Variants in DMXL1 observed in about 807,000 individuals in gnomAD.
DMXL1 encodes Dmx like 1, also known as dmX-like protein 1.
In DMXL1, 99 loss-of-function variants were observed where a neutral mutation model predicts 319.2. The observed-to-expected ratio is 0.31, with a 90% confidence interval of 0.26 to 0.37. DMXL1 has a LOEUF of 0.37. Ranked by LOEUF, DMXL1 falls within the 10% of genes least tolerant of loss-of-function variation. DMXL1 has a pLI of 1.00. For synonymous variants in DMXL1, 1,385 were observed against 1,235.2 expected, an observed-to-expected ratio of 1.12 and a Z score of -2.54; for missense variants, 3,745 against 3,595.6, an observed-to-expected ratio of 1.04 and a Z score of -1.06.
chr5:119,207,835 C>T (rs992690933), intron 34 of DMXL1, among the ~76,000 whole-genome samples: 5 of 152,086 alleles, frequency 3.3e-5, no homozygotes, highest in African/African-American at 1.2e-4. Flanking sequence ...TCAACTACGA[C>T]TTTATGAGGT....
chr5:119,194,107 T>C, intron 30 of DMXL1, 137 bp downstream of exon 30: 2 of 569,232 alleles, frequency 3.5e-6, no homozygotes, highest in African/African-American at 3.9e-5. Context: ...TAGTTGAAAT[T>C]GTTAAATTCC....
intron 33 of DMXL1, among the ~76,000 whole-genome samples, chr5:119,204,151 T>TA (rs1781346877): frequency 6.6e-6 from 1 of 152,016 alleles, no homozygotes; most frequent in African/African-American, 2.4e-5. Flanking sequence ...TTATTTATCT[T>TA]TTTTGAGATG....
chr5:119,170,443 C>A lies in DMXL1; in HGVS notation c.5652C>A (p.Val1884=). 1.2e-6 allele frequency: 2 copies of A among 1,613,934 alleles called. No homozygotes were observed. Among genetic ancestry groups the A allele is most frequent in the Non-Finnish European group, 1.7e-6 (2 of 1,179,938 alleles). The part of the protein sequence containing the change: ...ALEVLSKMPK[V]IKKTRPFYRA... ...AAGTATTATCAAAGATGCCTAAAGTCATCAAGAAAACAAGACCTTTTTATA... is the reference window on the plus strand; with the variant it reads ...AAGTATTATCAAAGATGCCTAAAGTAATCAAGAAAACAAGACCTTTTTATA... Residue 1884 remains valine (V), a synonymous_variant, in exon 24 of 44, where the codon GTC becomes GTA. Transcript: ENST00000539542.
In DMXL1 at chr5:119,125,286, T is replaced by A. The variant is rs141047919; in HGVS notation, c.1103-3925T>A. Among the ~76,000 whole-genome samples the A allele has an allele frequency of 1.6e-3, 246 of 152,238 alleles. 1 individual carries two copies. The highest frequency in any genetic ancestry group is 5.7e-3 in the African/African-American group (235 of 41,554). On this transcript the variant is annotated intron_variant, in intron 9 of 43. Transcript: ENST00000539542. ...CTTCTAGTGAATTAGACTGCATAAA[T>A]AGAAAAAGATTGATTCATTAGCTTT...
In DMXL1 at chr5:119,149,456, A is replaced by G; in HGVS notation, c.3629A>G (p.Asp1210Gly). The change falls in exon 18 of 44, where the codon GAT (aspartate) becomes GGT (glycine). Residue 1210 changes from aspartate (D) to glycine (G), a missense_variant. Asp to Gly is a moderately conservative substitution (Grantham distance 94, BLOSUM62 -1). Transcript: ENST00000539542. ...AGTGTGGACCTAGTTTCTTCTGTAG[A>G]TGGCTCCCCACCTTTTCCTGTTTCT... ...LRSVDLVSSVDGSPPFPVSLS... is the reference protein window; with the variant it reads ...LRSVDLVSSVGGSPPFPVSLS... The G allele has an allele frequency of 6.2e-7, 1 of 1,613,956 alleles. No homozygotes were observed. Among genetic ancestry groups the G allele is most frequent in the Non-Finnish European group, 8.5e-7 (1 of 1,179,902 alleles).
intron 42 of DMXL1, among the ~76,000 whole-genome samples, chr5:119,241,826 A>C (rs1363701709): frequency 1.3e-5 from 2 of 152,224 alleles, no homozygotes. Context: ...ACCTGCTCAC[A>C]TGGAGATGAT....
chr5:119,239,741 A>C (rs1788409522), intron 41 of DMXL1, among the ~76,000 whole-genome samples: 1 of 152,096 alleles, frequency 6.6e-6, no homozygotes, highest in Admixed American at 6.6e-5. Flanking sequence ...GGATCACTTG[A>C]GGCCAGGAGT....
At chr5:119,127,349 CT>C (rs371183556) in intron 9 of DMXL1, 6,384 of 135,044 alleles carry the variant, frequency 0.047, 85 homozygotes, top group South Asian at 0.069. Flanking sequence ...GTCCTTTATC[CT>C]TTTTTTTTTT....
At position 119,216,990 on chromosome 5, in the gene DMXL1, A is replaced by G. The variant is rs572839596; in HGVS notation, c.8013+3A>G. On this transcript the variant is annotated splice_donor_region_variant and intron_variant, in intron 35 of 43. Coordinates refer to ENST00000539542, the MANE Select transcript of DMXL1 (RefSeq NM_001290321.3). The stretch of plus-strand genomic sequence containing the variant: ...TTACTGCGTTTGCTGTTAATAAGGT[A>G]AGTACATAGACATTCTTCTTTTGTT... 66 of 1,491,062 alleles carry G rather than the reference A, an allele frequency of 4.4e-5. No individual in the cohort carries two copies. In the South Asian group the frequency reaches 5.7e-4, roughly 13 times the overall value. 92.4% of individuals were successfully genotyped at this position (1,491,062 alleles called of 1,614,324 possible).
At chr5:119,193,052 C>T (rs568096207) in intron 29 of DMXL1, among the ~76,000 whole-genome samples, 1 of 152,246 alleles carries the variant, frequency 6.6e-6, no homozygotes, top group African/African-American at 2.4e-5. Flanking sequence ...GTCCAACCTG[C>T]CAACTCCTGT....
rs74589253 is a variant in DMXL1, at chr5:119,074,922, T to A, written c.87+3266T>A. Among the ~76,000 whole-genome samples, 257 of 152,366 alleles carry A rather than the reference T, an allele frequency of 1.7e-3. 1 individual carries two copies. The highest frequency in any genetic ancestry group is 5.8e-3 in the African/African-American group (242 of 41,586). The stretch of plus-strand genomic sequence containing the variant: ...TTTATCCATTAGCAAGTTATACTCT[T>A]GGAATTTCTTTTTTTCTCTTCTGTA... On this transcript the variant is annotated intron_variant, in intron 1 of 43. Coordinates refer to ENST00000539542, the MANE Select transcript of DMXL1 (RefSeq NM_001290321.3).
Position 119,165,296 on chromosome 5 carries a change from A to AG in DMXL1, c.4970+16_4970+17insG. ...GATTATATAGGTAGGTAAAAAAAAA[A>AG]AAAAAAAAGGGTGCTTCAATGTGAA... is the stretch of plus-strand genomic sequence containing the variant. On this transcript the variant is annotated intron_variant, in intron 21 of 43. Transcript: ENST00000539542. 1 of 1,388,738 alleles carries AG rather than the reference A, an allele frequency of 7.2e-7. No homozygotes were observed. The highest frequency in any genetic ancestry group is 1.0e-6 in the Non-Finnish European group (1 of 1,004,698). 86.0% of individuals were successfully genotyped at this position (1,388,738 alleles called of 1,614,324 possible).
At chr5:119,096,284 C>T (rs897060095) in intron 1 of DMXL1, among the ~76,000 whole-genome samples, 1 of 151,458 alleles carries the variant, frequency 6.6e-6, no homozygotes, top group Non-Finnish European at 1.5e-5. Flanking sequence ...TCAAGCGATT[C>T]TCCTGCCTCA....
At chr5:119,111,648 A>G (rs1362121296) in intron 5 of DMXL1, among the ~76,000 whole-genome samples, 1 of 152,370 alleles carries the variant, frequency 6.6e-6, no homozygotes, top group African/African-American at 2.4e-5. Context: ...AAACATTTCT[A>G]TAAAGCAAAT....
chr5:119,157,832 GT>G (rs899021777), intron 19 of DMXL1, among the ~76,000 whole-genome samples: 47 of 152,052 alleles, frequency 3.1e-4, no homozygotes, highest in Non-Finnish European at 5.3e-4. Context: ...GAATTTTAGG[GT>G]TTTTTTCTTC....
At chr5:119,147,074 G>A (rs1004178807) in intron 16 of DMXL1, 118 bp downstream of exon 16, 2 of 1,223,392 alleles carry the variant, frequency 1.6e-6, no homozygotes, top group Non-Finnish European at 2.3e-6. Flanking sequence ...GGTGATAACT[G>A]TAGATTATTC....
chr5:119,135,181 G>C (rs541322379), intron 13 of DMXL1, among the ~76,000 whole-genome samples: 1 of 152,184 alleles, frequency 6.6e-6, no homozygotes, highest in Non-Finnish European at 1.5e-5. Context: ...TATTTTGGGG[G>C]GGGTCTTCTA....
In DMXL1 at chr5:119,197,925, G is replaced by A. The variant is rs1393109688; in HGVS notation, c.7714G>A (p.Ala2572Thr). 1 of 1,614,146 alleles carries A rather than the reference G, an allele frequency of 6.2e-7. No individual in the cohort carries two copies. Among genetic ancestry groups the A allele is most frequent in the Admixed American group, 1.7e-5 (1 of 60,004 alleles). The change falls in exon 32 of 44, where the codon GCT becomes ACT. Residue 2572 changes from alanine (A) to threonine (T), a missense_variant. Transcript: ENST00000539542. The part of the protein sequence containing the change: ...SAGPAILRHK[A>T]LLEPTNTPFK... ...AGGTCCTGCAATTCTTCGCCACAAA[G>A]CTTTACTGGAACCTACAAACACTCC...
At chr5:119,177,763 ATC>A (rs1362493397) in intron 27 of DMXL1, among the ~76,000 whole-genome samples, 1 of 152,136 alleles carries the variant, frequency 6.6e-6, no homozygotes, top group Non-Finnish European at 1.5e-5. Flanking sequence ...TATCTATGAC[ATC>A]TTAGTCATGA....
Sources: allele counts gnomAD v4.1 joint callset (sites outside exome capture counted in the v4.1 genomes callset), GRCh38; gene constraint gnomAD v4.1.1; transcripts MANE v1.5; gene names NCBI Gene and HGNC (gene_info 2026-07-23, HGNC 2026-07-21).